LRFN5: variants seen among roughly 807,000 people sequenced by gnomAD.
LRFN5 encodes the protein leucine-rich repeat and fibronectin type-III domain-containing protein 5.
A neutral mutation model predicts 45.6 loss-of-function variants in LRFN5; 24 were observed. The ratio of observed to expected loss-of-function variants is 0.53; its 90% CI spans 0.38 to 0.74. LRFN5 has a LOEUF of 0.74. Ranked by LOEUF, LRFN5 falls within the 30% of genes least tolerant of loss-of-function variation. LRFN5 has a pLI of 0.00. For synonymous variants in LRFN5, 340 were observed against 313.8 expected, an observed-to-expected ratio of 1.08 and a Z score of -0.88; for missense variants, 776 against 861.5, an observed-to-expected ratio of 0.90 and a Z score of 1.24.
At chr14:41,827,080 A>G (rs1888324731) in intron 2 of LRFN5, among the ~76,000 whole-genome samples, 1 of 152,146 alleles carries the variant, frequency 6.6e-6, no homozygotes, top group Non-Finnish European at 1.5e-5. Flanking sequence ...AAAATCTGAA[A>G]TTACAACACA....
At chr14:41,883,821 T>A (rs1272499588) in intron 2 of LRFN5, among the ~76,000 whole-genome samples, 1 of 152,116 alleles carries the variant, frequency 6.6e-6, no homozygotes, top group Non-Finnish European at 1.5e-5. Flanking sequence ...ATTTATAGAT[T>A]TTTTTTAATA....
At chr14:41,630,026 T>G (rs975558524) in intron 1 of LRFN5, among the ~76,000 whole-genome samples, 2 of 152,158 alleles carry the variant, frequency 1.3e-5, no homozygotes, top group Admixed American at 6.6e-5. Context: ...TCTTTCAATT[T>G]TTTTATCCAA....
intron 2 of LRFN5, among the ~76,000 whole-genome samples, chr14:41,787,339 T>G (rs907720062): frequency 1.3e-5 from 2 of 152,080 alleles, no homozygotes; most frequent in Non-Finnish European, 2.9e-5. Flanking sequence ...CAACCAAACT[T>G]ATAGGTTCTA....
Position 41,668,452 on chromosome 14 carries a change from T to A in LRFN5, c.-197+59890T>A, listed in dbSNP as rs140552901. On this transcript the variant is annotated intron_variant, in intron 1 of 5. Transcript: ENST00000298119. ...ACAATCACACATATCTATGCATTCT[T>A]TTTTTTTCTCCTTCACTCATGTTGT... 9.1e-3 allele frequency among the ~76,000 whole-genome samples: 1,386 copies of A among 151,686 alleles called. 6 individuals carry two copies. The highest frequency in any genetic ancestry group is 0.014 in the East Asian group (74 of 5,158).
At chr14:41,742,386 C>T (rs892210606) in intron 1 of LRFN5, among the ~76,000 whole-genome samples, 7 of 149,538 alleles carry the variant, frequency 4.7e-5, no homozygotes, top group Non-Finnish European at 8.8e-5. Flanking sequence ...AAATTTTTTT[C>T]ATTCACAACA....
intron 2 of LRFN5, among the ~76,000 whole-genome samples, chr14:41,774,859 A>T (rs1016319281): frequency 6.6e-6 from 1 of 152,278 alleles, no homozygotes; most frequent in African/African-American, 2.4e-5. Context: ...GTTGCTAACA[A>T]TAACCTCTTT....
intron 1 of LRFN5, among the ~76,000 whole-genome samples, chr14:41,754,702 T>C (rs941011403): frequency 4.6e-5 from 7 of 152,278 alleles, no homozygotes; most frequent in Admixed American, 6.5e-5. Context: ...TTTGTTGATC[T>C]TTTCAAAAAA....
intron 2 of LRFN5, among the ~76,000 whole-genome samples, chr14:41,850,149 T>A (rs1184289244): frequency 6.6e-6 from 1 of 151,992 alleles, no homozygotes; most frequent in Non-Finnish European, 1.5e-5. Context: ...ATGTATTATG[T>A]ACATGTATAC....
intron 1 of LRFN5, among the ~76,000 whole-genome samples, chr14:41,718,021 G>T (rs1346193103): frequency 6.6e-6 from 1 of 152,006 alleles, no homozygotes; most frequent in Non-Finnish European, 1.5e-5. Flanking sequence ...GAGACTTTTT[G>T]TCTCCAAAAC....
At chr14:41,641,475 C>T (rs994375584) in intron 1 of LRFN5, among the ~76,000 whole-genome samples, 4 of 151,848 alleles carry the variant, frequency 2.6e-5, no homozygotes, top group South Asian at 2.1e-4. Context: ...ACACATTTTT[C>T]GATATTTTGA....
At position 41,898,966 on chromosome 14, in the gene LRFN5, A is replaced by G; in HGVS notation, c.2142+6A>G. On this transcript the variant is annotated splice_donor_region_variant and intron_variant, in intron 5 of 5. Coordinates refer to ENST00000298119, the MANE Select transcript of LRFN5 (RefSeq NM_152447.5). ...AGATTGTCCAGGAAACACAGGTGAG[A>G]TTCTTATTACCTATAACTTACTTCA... 6.2e-7 allele frequency: 1 copy of G among 1,609,274 alleles called. No individual in the cohort carries two copies. The highest frequency in any genetic ancestry group is 8.5e-7 in the Non-Finnish European group (1 of 1,177,394).
At chr14:41,631,098 A>G (rs1468234830) in intron 1 of LRFN5, among the ~76,000 whole-genome samples, 1 of 152,142 alleles carries the variant, frequency 6.6e-6, no homozygotes, top group Non-Finnish European at 1.5e-5. Context: ...GAGGTCCCTC[A>G]TTGCTTACTA....
chr14:41,861,752 G>T (rs565405208), intron 2 of LRFN5, among the ~76,000 whole-genome samples: 2 of 152,242 alleles, frequency 1.3e-5, no homozygotes, highest in Non-Finnish European at 1.5e-5. Flanking sequence ...ATGCAGAATG[G>T]TGCAAAAAGT....
At chr14:41,754,688 C>T (rs562671310) in intron 1 of LRFN5, among the ~76,000 whole-genome samples, 111 of 152,060 alleles carry the variant, frequency 7.3e-4, no homozygotes, top group African/African-American at 2.1e-3. Context: ...AGTGGTCTAT[C>T]AATTTTGTTG....
At chr14:41,678,521 T>G (rs1474729127) in intron 1 of LRFN5, among the ~76,000 whole-genome samples, 1 of 152,142 alleles carries the variant, frequency 6.6e-6, no homozygotes, top group Non-Finnish European at 1.5e-5. Context: ...AAGACTTGAA[T>G]GATATCATTT....
chr14:41,702,681 T>C (rs1882887615), intron 1 of LRFN5, among the ~76,000 whole-genome samples: 1 of 151,742 alleles, frequency 6.6e-6, no homozygotes, highest in Admixed American at 6.6e-5. Context: ...CACAGGCTGA[T>C]CCTGAACACC....
intron 2 of LRFN5, among the ~76,000 whole-genome samples, chr14:41,864,409 T>A (rs1397054018): frequency 6.6e-6 from 1 of 152,220 alleles, no homozygotes; most frequent in Non-Finnish European, 1.5e-5. Flanking sequence ...GATTTGCATT[T>A]CTCTAATGAC....
intron 1 of LRFN5, among the ~76,000 whole-genome samples, chr14:41,656,068 A>AG (rs1256763466): frequency 1.3e-5 from 2 of 151,982 alleles, no homozygotes; most frequent in Non-Finnish European, 2.9e-5. Flanking sequence ...GTAACCATCT[A>AG]GCTAAATAAA....
chr14:41,820,279 ATTAAATT>A (rs1888070109), intron 2 of LRFN5, among the ~76,000 whole-genome samples: 1 of 151,870 alleles, frequency 6.6e-6, no homozygotes, highest in African/African-American at 2.4e-5. Context: ...TCTATCTTGA[ATTAAATT>A]TTAAATATGG....
Sources: allele counts gnomAD v4.1 joint callset (sites outside exome capture counted in the v4.1 genomes callset), GRCh38; gene constraint gnomAD v4.1.1; transcripts MANE v1.5; gene names NCBI Gene and HGNC (gene_info 2026-07-23, HGNC 2026-07-21).